The following NEMP2 variants were observed in gnomAD, a reference collection of about 807,000 sequenced individuals.
NEMP2 encodes the protein UPF0571 transmembrane protein.
Under a neutral mutation model 54.2 loss-of-function variants are expected in NEMP2, and 53 were observed. The ratio of observed to expected loss-of-function variants is 0.98; its 90% CI spans 0.78 to 1.23. The LOEUF (loss-of-function observed/expected upper bound fraction) is 1.23. NEMP2 is among the 50% of genes most tolerant of loss of function. The pLI is 0.00. For synonymous variants in NEMP2, 197 were observed against 190.3 expected, an observed-to-expected ratio of 1.04 and a Z score of -0.29; for missense variants, 455 against 511.3, an observed-to-expected ratio of 0.89 and a Z score of 1.06.
chr2:190,618,891 C>G, the NEMP2 span, among the ~76,000 whole-genome samples: 2 of 152,190 alleles, frequency 1.3e-5, no homozygotes, highest in South Asian at 4.1e-4. Flanking sequence ...TTTTTACGTA[C>G]TCTGTGATTG....
chr2:190,618,422 A>G, the NEMP2 span, among the ~76,000 whole-genome samples: 1 of 152,130 alleles, frequency 6.6e-6, no homozygotes, highest in Non-Finnish European at 1.5e-5. Flanking sequence ...CTCTCCCACC[A>G]AAACTTAAAA....
chr2:190,546,839 A>C, the NEMP2 span, among the ~76,000 whole-genome samples: 1 of 152,224 alleles, frequency 6.6e-6, no homozygotes, highest in African/African-American at 2.4e-5. This position sits in a 1 kb window ranked among gnomAD's most constrained non-coding sequence, Gnocchi z 5.1. Flanking sequence ...TGTTGTGTGC[A>C]CGGAAGTCTC....
At chr2:190,463,469 T>C in the NEMP2 span, among the ~76,000 whole-genome samples, 1 of 152,110 alleles carries the variant, frequency 6.6e-6, no homozygotes, top group African/African-American at 2.4e-5. This position sits in a 1 kb window ranked among gnomAD's most constrained non-coding sequence, Gnocchi z 4.4. Context: ...TAGGAAGACA[T>C]CTATAACAAT....
chr2:190,581,948 G>T, the NEMP2 span, among the ~76,000 whole-genome samples: 1 of 152,068 alleles, frequency 6.6e-6, no homozygotes, highest in African/African-American at 2.4e-5. Context: ...TATAAATCGG[G>T]GATTCCCTCC....
chr2:190,461,994 G>A, the NEMP2 span, among the ~76,000 whole-genome samples: 43 of 152,080 alleles, frequency 2.8e-4, no homozygotes, highest in African/African-American at 9.6e-4. The surrounding 1 kb of genome is among the most constrained non-coding windows in gnomAD (Gnocchi z 5.5). Flanking sequence ...TTATTATTAT[G>A]TGATTATTAG....
chr2:190,483,750 G>A, the NEMP2 span, among the ~76,000 whole-genome samples: 3 of 148,512 alleles, frequency 2.0e-5, no homozygotes, highest in Non-Finnish European at 3.0e-5. Flanking sequence ...CAGGAGAATT[G>A]CTTGAACCCA....
At chr2:190,551,876 A>T in the NEMP2 span, among the ~76,000 whole-genome samples, 2 of 152,016 alleles carry the variant, frequency 1.3e-5, no homozygotes, top group Non-Finnish European at 2.9e-5. Context: ...TCCTGGTTCT[A>T]TTCCCTCCTC....
the NEMP2 span, among the ~76,000 whole-genome samples, chr2:190,569,310 G>C: frequency 6.6e-6 from 1 of 152,092 alleles, no homozygotes; most frequent in Non-Finnish European, 1.5e-5. Context: ...GTTTCTTTTG[G>C]GGAGCAGGAC....
the NEMP2 span, among the ~76,000 whole-genome samples, chr2:190,487,300 C>T: frequency 6.6e-6 from 1 of 152,194 alleles, no homozygotes; most frequent in Non-Finnish European, 1.5e-5. This position sits in a 1 kb window ranked among gnomAD's most constrained non-coding sequence, Gnocchi z 5.5. Flanking sequence ...GAGGTCGTGC[C>T]ACTGCACTCC....
the NEMP2 span, chr2:190,437,528 G>A: frequency 6.2e-7 from 1 of 1,614,004 alleles, no homozygotes; most frequent in Non-Finnish European, 8.5e-7. The surrounding 1 kb of genome is among the most constrained non-coding windows in gnomAD (Gnocchi z 5.9). Context: ...TATTTTTTTA[G>A]TCACAAGCTT....
At chr2:190,516,179 T>A (rs1690548394) in intron 6 of NEMP2, 91 bp downstream of exon 6, 1 of 821,020 alleles carries the variant, frequency 1.2e-6, no homozygotes, top group African/African-American at 1.7e-5. Flanking sequence ...AAAATTTAGA[T>A]GTTGGAGAGA....
the NEMP2 span, among the ~76,000 whole-genome samples, chr2:190,568,354 C>T: frequency 6.6e-6 from 1 of 152,126 alleles, no homozygotes; most frequent in Admixed American, 6.5e-5. The surrounding 1 kb of genome is among the most constrained non-coding windows in gnomAD (Gnocchi z 4.7). Flanking sequence ...GAGGTTTACA[C>T]TTCTGGTGAA....
downstream of NEMP2, chr2:190,500,492 T>C (rs1258508474): frequency 5.0e-6 from 2 of 402,474 alleles, no homozygotes; most frequent in East Asian, 4.3e-5. The surrounding 1 kb of genome is among the most constrained non-coding windows in gnomAD (Gnocchi z 5.3). Context: ...TTAAGGATGA[T>C]AGAATTTCTC....
intron 2 of NEMP2, among the ~76,000 whole-genome samples, chr2:190,524,860 A>G (rs1464498493): frequency 2.0e-5 from 3 of 152,232 alleles, no homozygotes; most frequent in African/African-American, 7.2e-5. Flanking sequence ...GAATGAAGGA[A>G]AGTACTAGGC....
the NEMP2 span, among the ~76,000 whole-genome samples, chr2:190,548,004 G>C: frequency 6.6e-6 from 1 of 152,190 alleles, no homozygotes; most frequent in African/African-American, 2.4e-5. Context: ...GGTCCAGTGT[G>C]AGAAAGCTGG....
At chr2:190,503,396 A>T (rs900463126), downstream of NEMP2, among the ~76,000 whole-genome samples, 1 of 152,198 alleles carries the variant, frequency 6.6e-6, no homozygotes, top group African/African-American at 2.4e-5. This position sits in a 1 kb window ranked among gnomAD's most constrained non-coding sequence, Gnocchi z 6.3. Context: ...CTATTAAACA[A>T]CTGACATGTG....
At chr2:190,629,685 A>C in the NEMP2 span, 1 of 152,076 alleles carries the variant, frequency 6.6e-6, no homozygotes, top group Admixed American at 6.5e-5. Flanking sequence ...CCTAATTGAA[A>C]AGGACCAATG....
chr2:190,555,016 A>T, the NEMP2 span, among the ~76,000 whole-genome samples: 1 of 152,084 alleles, frequency 6.6e-6, no homozygotes, highest in Non-Finnish European at 1.5e-5. This position sits in a 1 kb window ranked among gnomAD's most constrained non-coding sequence, Gnocchi z 4.8. Flanking sequence ...CCAGGCGAAC[A>T]GGGTCTGGAG....
At chr2:190,446,346 T>C in the NEMP2 span, among the ~76,000 whole-genome samples, 8 of 152,294 alleles carry the variant, frequency 5.3e-5, no homozygotes, top group South Asian at 1.0e-3. Context: ...GTTTGGGAAG[T>C]TCCCCCAGAT....
Sources: allele counts gnomAD v4.1 joint callset (sites outside exome capture counted in the v4.1 genomes callset), GRCh38; gene constraint gnomAD v4.1.1; non-coding constraint Gnocchi (gnomAD v3.1); transcripts MANE v1.5; gene names NCBI Gene and HGNC (gene_info 2026-07-23, HGNC 2026-07-21).